The following TXK variants were observed in gnomAD, a reference collection of about 807,000 sequenced individuals.
The protein encoded by TXK is TXK tyrosine kinase.
TXK carries 60 observed loss-of-function variants against 81.0 expected under a neutral mutation model. The observed-to-expected ratio is 0.74, with a 90% confidence interval of 0.60 to 0.92. The LOEUF is 0.92. TXK is among the 40% of genes least tolerant of loss of function. The pLI is 0.00. For missense variants in TXK, 581 were observed against 638.3 expected, an observed-to-expected ratio of 0.91 and a Z score of 0.97; for synonymous variants, 203 against 210.7, an observed-to-expected ratio of 0.96 and a Z score of 0.32.
intron 9 of TXK, among the ~76,000 whole-genome samples, chr4:48,088,128 G>C (rs148387047): frequency 1.3e-3 from 194 of 152,194 alleles, no homozygotes; most frequent in African/African-American, 4.5e-3. Flanking sequence ...CGACACACCA[G>C]ATTGGCTAAC....
chr4:48,134,191 G>A lies in TXK; in HGVS notation c.-21C>T. 1 of 1,612,950 alleles carries A rather than the reference G, an allele frequency of 6.2e-7. No homozygotes were observed. The highest frequency in any genetic ancestry group is 8.5e-7 in the Non-Finnish European group (1 of 1,179,518). ...ATCATGGTAGCCCCTTCTGCGGGGA[G>A]CACACAACAGTCTTCAGTTCTTCTG... On this transcript the variant is annotated 5_prime_UTR_variant, in exon 1 of 15. Transcript: ENST00000264316.
intron 10 of TXK, among the ~76,000 whole-genome samples, chr4:48,081,079 T>G (rs751222812): frequency 3.9e-5 from 6 of 151,976 alleles, no homozygotes; most frequent in Non-Finnish European, 7.4e-5. Flanking sequence ...TTCAGAGAAC[T>G]TAACATTATC....
chr4:48,117,804 T>C (rs1436988594), intron 1 of TXK, among the ~76,000 whole-genome samples: 4 of 152,190 alleles, frequency 2.6e-5, no homozygotes, highest in African/African-American at 9.7e-5. Flanking sequence ...CTTTGCAAGA[T>C]GTTGTCTTCC....
intron 6 of TXK, among the ~76,000 whole-genome samples, chr4:48,095,973 G>T (rs1437210773): frequency 6.6e-6 from 1 of 152,186 alleles, no homozygotes; most frequent in Non-Finnish European, 1.5e-5. Context: ...CATGAAGAGG[G>T]AAAATACATC....
chr4:48,075,608 C>T (rs1222242382), intron 12 of TXK, among the ~76,000 whole-genome samples: 1 of 151,986 alleles, frequency 6.6e-6, no homozygotes, highest in African/African-American at 2.4e-5. Flanking sequence ...CGAGAGAGCA[C>T]CACTGCACTC....
At chr4:48,100,025 A>G (rs113712382) in intron 6 of TXK, among the ~76,000 whole-genome samples, 3,665 of 151,286 alleles carry the variant, frequency 0.024, 161 homozygotes, top group African/African-American at 0.085. Context: ...ACAAAAAATT[A>G]GCCGGGCGCA....
chr4:48,075,425 G>C (rs945649699), intron 12 of TXK, among the ~76,000 whole-genome samples: 1 of 152,058 alleles, frequency 6.6e-6, no homozygotes, highest in African/African-American at 2.4e-5. Flanking sequence ...GGTGAGGTGG[G>C]TGGATATTTG....
At chr4:48,077,077 G>A (rs566358780) in intron 11 of TXK, among the ~76,000 whole-genome samples, 15 of 151,988 alleles carry the variant, frequency 9.9e-5, no homozygotes, top group African/African-American at 2.7e-4. Flanking sequence ...TCTCTAATAC[G>A]TAATAAAAAT....
intron 6 of TXK, among the ~76,000 whole-genome samples, chr4:48,096,886 G>C (rs990818073): frequency 2.6e-4 from 39 of 152,118 alleles, no homozygotes; most frequent in African/African-American, 9.2e-4. Context: ...AGAATATCTA[G>C]AAAGTAATAA....
intron 4 of TXK, 88 bp from the exon 5 acceptor site, chr4:48,110,691 T>C: frequency 1.1e-6 from 1 of 940,668 alleles, no homozygotes; most frequent in Non-Finnish European, 1.7e-6. Flanking sequence ...CTCAAGGATG[T>C]AGGGGGGAAA....
intron 1 of TXK, among the ~76,000 whole-genome samples, chr4:48,124,662 G>C (rs16860972): frequency 2.3e-4 from 35 of 152,006 alleles, no homozygotes. Flanking sequence ...TGAGTGGAAC[G>C]GCAAAGGTGA....
intron 13 of TXK, among the ~76,000 whole-genome samples, chr4:48,073,703 T>C (rs541884122): frequency 1.3e-5 from 2 of 152,350 alleles, no homozygotes; most frequent in East Asian, 1.9e-4. Flanking sequence ...TATGGTTTTA[T>C]AGTGAGTGCC....
At chr4:48,124,072 C>CTAGT (rs1161077577) in intron 1 of TXK, among the ~76,000 whole-genome samples, 3 of 152,182 alleles carry the variant, frequency 2.0e-5, no homozygotes, top group African/African-American at 7.2e-5. Context: ...CCTGTGGTTC[C>CTAGT]TAGTTAGGTA....
chr4:48,069,003 A>G (rs949241083), intron 14 of TXK, among the ~76,000 whole-genome samples: 2 of 152,234 alleles, frequency 1.3e-5, no homozygotes, highest in Non-Finnish European at 2.9e-5. Flanking sequence ...CCCTAAGCAC[A>G]TGGGGTAAAG....
rs1005288312 is a variant in TXK, at chr4:48,134,238, A to C, written c.-68T>G. On this transcript the variant is annotated 5_prime_UTR_variant, in exon 1 of 15. Transcript: ENST00000264316. Reference sequence around the variant, plus strand: ...TCTGCGGTGCTCTACTCACAAAAACACATCTTTCAACTGAAATCATAGTTC... The same window carrying C: ...TCTGCGGTGCTCTACTCACAAAAACCCATCTTTCAACTGAAATCATAGTTC... The C allele has an allele frequency of 3.8e-6, 6 of 1,572,056 alleles. No homozygotes were observed. The highest frequency in any genetic ancestry group is 1.7e-4 in the Middle Eastern group (1 of 5,964).
chr4:48,066,411 C>T lies in TXK; in HGVS notation c.*1226G>A, dbSNP rs1716601563. The T allele has an allele frequency of 6.6e-6, 1 of 152,150 alleles. No individual in the cohort carries two copies. Among genetic ancestry groups the T allele is most frequent in the African/African-American group, 2.4e-5 (1 of 41,410 alleles). The allele number at this position is 152,150 out of a possible 1,614,324, so 9.4% of individuals were successfully genotyped here. The stretch of plus-strand genomic sequence containing the variant: ...TAACTGATTCTCATTAGAAATAATA[C>T]ACATTTATTGAATGTCATTGATATA... On this transcript the variant is annotated 3_prime_UTR_variant, in exon 15 of 15. Coordinates refer to ENST00000264316, the MANE Select transcript of TXK (RefSeq NM_003328.3).
At chr4:48,088,142 T>TA (rs201014458) in intron 9 of TXK, among the ~76,000 whole-genome samples, 18 of 151,550 alleles carry the variant, frequency 1.2e-4, no homozygotes, top group Middle Eastern at 6.8e-3. Flanking sequence ...GGCTAACATG[T>TA]AAAAAAAAAC....
At chr4:48,130,075 C>G (rs925364738) in intron 1 of TXK, among the ~76,000 whole-genome samples, 1 of 152,196 alleles carries the variant, frequency 6.6e-6, no homozygotes, top group African/African-American at 2.4e-5. Flanking sequence ...GAGTTAAAAA[C>G]TGAAATGATT....
At position 48,080,126 on chromosome 4, in the gene TXK, T is replaced by C. The variant is rs891932684; in HGVS notation, c.959A>G (p.Lys320Arg). The C allele has an allele frequency of 5.6e-6, 9 of 1,611,262 alleles. No individual in the cohort carries two copies. Among genetic ancestry groups the C allele is most frequent in the African/African-American group, 5.3e-5 (4 of 74,892 alleles). ...TTGCACTAGCTTTGAATGAGATAAT[T>C]TCCTGGTGAAGAAAAACATACACCA... ...DFIEEAKVMMKLSHSKLVQLY... is the reference protein window; with the variant it reads ...DFIEEAKVMMRLSHSKLVQLY... The change falls in exon 11 of 15, where the codon AAA becomes AGA. Residue 320 changes from lysine to arginine, a missense_variant and splice_region_variant. Coordinates refer to ENST00000264316, the MANE Select transcript of TXK (RefSeq NM_003328.3).
Sources: allele counts gnomAD v4.1 joint callset (sites outside exome capture counted in the v4.1 genomes callset), GRCh38; gene constraint gnomAD v4.1.1; transcripts MANE v1.5; gene names NCBI Gene and HGNC (gene_info 2026-07-23, HGNC 2026-07-21).